ATP6V1D: variants seen among roughly 807,000 people sequenced by gnomAD.
ATP6V1D encodes the protein V-type proton ATPase subunit D.
Under a neutral mutation model 39.4 loss-of-function variants are expected in ATP6V1D, and 20 were observed. The ratio of observed to expected loss-of-function variants is 0.51; its 90% CI spans 0.36 to 0.74. The LOEUF (loss-of-function observed/expected upper bound fraction) is 0.74, where lower values mean the gene tolerates loss of function less well. Among genes scored for constraint, ATP6V1D ranks in the 30% least tolerant of loss-of-function variants. The pLI is 0.00. For synonymous variants in ATP6V1D, 100 were observed against 100.5 expected, an observed-to-expected ratio of 0.99 and a Z score of 0.03; for missense variants, 228 against 291.6, an observed-to-expected ratio of 0.78 and a Z score of 1.59.
rs985969902 is a variant in ATP6V1D at position 67,359,735 on chromosome 14, G to C, written c.-37C>G. On this transcript the variant is annotated 5_prime_UTR_variant, in exon 1 of 9. Transcript: ENST00000216442. ...CTTTTCGGCTCGGGTCCCCGGCCGG[G>C]CAACCGAGGCTGCAATAGCTCCAGA... 1.6e-5 allele frequency: 25 copies of C among 1,612,702 alleles called. No homozygotes were observed. Among genetic ancestry groups the C allele is most frequent in the Non-Finnish European group, 1.9e-5 (23 of 1,179,654 alleles).
chr14:67,338,586 T>G lies in ATP6V1D; in HGVS notation c.*35A>C. 1 of 1,602,826 alleles carries G rather than the reference T, an allele frequency of 6.2e-7. No homozygotes were observed. The highest frequency in any genetic ancestry group is 8.5e-7 in the Non-Finnish European group (1 of 1,175,092). Reference sequence around the variant, plus strand: ...ACACTGTGAATTAAAATGAAGCCAGTGTTAGGGTTTCTCAAAGAACCAGAA... The same window carrying G: ...ACACTGTGAATTAAAATGAAGCCAGGGTTAGGGTTTCTCAAAGAACCAGAA... On this transcript the variant is annotated 3_prime_UTR_variant, in exon 9 of 9. Transcript: ENST00000216442.
At chr14:67,352,826 A>C in intron 2 of ATP6V1D, 97 bp downstream of exon 2, 1 of 774,242 alleles carries the variant, frequency 1.3e-6, no homozygotes, top group Non-Finnish European at 2.0e-6. Context: ...TTTGAAAGAA[A>C]AAAATTAATT....
intron 7 of ATP6V1D, among the ~76,000 whole-genome samples, 193 bp from the exon 8 acceptor site, chr14:67,340,711 CCTCT>C (rs1397100968): frequency 1.3e-5 from 2 of 152,222 alleles, no homozygotes; most frequent in Non-Finnish European, 1.5e-5. Context: ...CCACGGTCTC[CCTCT>C]GATGCCGAGC....
At chr14:67,342,924 G>C (rs917283250) in intron 7 of ATP6V1D, among the ~76,000 whole-genome samples, 1 of 152,058 alleles carries the variant, frequency 6.6e-6, no homozygotes, top group African/African-American at 2.4e-5. Flanking sequence ...TGAAATAAAA[G>C]AGATGGAAAA....
intron 1 of ATP6V1D, among the ~76,000 whole-genome samples, chr14:67,354,242 A>T (rs940505513): frequency 6.6e-6 from 1 of 152,202 alleles, no homozygotes; most frequent in South Asian, 2.1e-4. Flanking sequence ...TTTATAATCA[A>T]TATCTGGAAT....
intron 7 of ATP6V1D, 134 bp downstream of exon 7, chr14:67,343,238 C>T (rs1206840391): frequency 3.3e-6 from 2 of 612,070 alleles, no homozygotes; most frequent in Middle Eastern, 2.7e-4. Flanking sequence ...ACACACTTCT[C>T]TCTTTGCACT....
Position 67,349,199 on chromosome 14 carries a change from G to C in ATP6V1D, c.240-95C>G, listed in dbSNP as rs987400742. On this transcript the variant is annotated intron_variant, in intron 3 of 8. Coordinates refer to ENST00000216442, the MANE Select transcript of ATP6V1D (RefSeq NM_015994.4). ...GTTTTAACATTAAATGAGACCAAGA[G>C]TGAGATGTCACAATTAAGTATGTTT... 6.8e-6 allele frequency: 8 copies of C among 1,172,794 alleles called. No homozygotes were observed. In the African/African-American group the frequency reaches 1.2e-4, roughly 18 times the overall value. The allele number at this position is 1,172,794 out of a possible 1,614,324, so 72.6% of individuals were successfully genotyped here.
chr14:67,352,844 C>T, intron 2 of ATP6V1D, 79 bp downstream of exon 2: 1 of 797,700 alleles, frequency 1.3e-6, no homozygotes. Flanking sequence ...ATTAAAATAA[C>T]AACAACAAAA....
intron 3 of ATP6V1D, 123 bp downstream of exon 3, chr14:67,350,488 C>A (rs2085648649): frequency 1.2e-5 from 9 of 734,282 alleles, no homozygotes; most frequent in Non-Finnish European, 1.9e-5. Context: ...AGAATTCTTT[C>A]TTATTATTAC....
chr14:67,347,199 A>C (rs916793572), intron 5 of ATP6V1D, among the ~76,000 whole-genome samples: 1 of 152,130 alleles, frequency 6.6e-6, no homozygotes, highest in African/African-American at 2.4e-5. Context: ...TCAGCCTCCC[A>C]AAGTGCCAGT....
At position 67,349,044 on chromosome 14, in the gene ATP6V1D, A is replaced by G. The variant is rs74339345; in HGVS notation, c.300T>C (p.Asn100=). The change falls in exon 4 of 9, where the codon AAT becomes AAC. Residue 100 remains asparagine (N), a synonymous_variant. Coordinates refer to ENST00000216442, the MANE Select transcript of ATP6V1D (RefSeq NM_015994.4). ...AAAAGGTTGAAACGTTACCTGCTAC[A>G]TTATCTTTCTTCGCTCGAATCTTCA... ...AQVKIRAKKD[N]VAGVTLPVFE... 1,394 of 1,614,010 alleles carry G rather than the reference A, an allele frequency of 8.6e-4. 23 individuals are homozygous for G. In the East Asian group the frequency reaches 0.029, roughly 34 times the overall value.
intron 5 of ATP6V1D, 26 bp downstream of exon 5, chr14:67,347,383 A>T: frequency 6.4e-7 from 1 of 1,564,416 alleles, no homozygotes; most frequent in South Asian, 1.1e-5. Context: ...AGAGACACAA[A>T]GTAATACAAA....
At chr14:67,340,345 A>G in intron 8 of ATP6V1D, 95 bp downstream of exon 8, 1 of 1,032,338 alleles carries the variant, frequency 9.7e-7, no homozygotes. Flanking sequence ...AGCTGTGCTA[A>G]TTCTAAAGAA....
At chr14:67,341,503 G>T (rs1307601623) in intron 7 of ATP6V1D, among the ~76,000 whole-genome samples, 1 of 151,890 alleles carries the variant, frequency 6.6e-6, no homozygotes, top group Non-Finnish European at 1.5e-5. Flanking sequence ...CCCCGTCCGG[G>T]AGGGAGGTGG....
rs760159563 is a variant in ATP6V1D at position 67,338,715 on chromosome 14, T to C, written c.650A>G (p.Glu217Gly). The C allele has an allele frequency of 6.2e-7, 1 of 1,613,744 alleles. No homozygotes were observed. ...EKKKILKEKS[E>G]KDLEQRRAAG... is the part of the protein sequence containing the mutation. Reference sequence around the variant, plus strand: ...TGCTCTCCTTTGCTCCAAGTCCTTCTCAGATTTTTCCTTTAGAATCTTTTT... The same window carrying C: ...TGCTCTCCTTTGCTCCAAGTCCTTCCCAGATTTTTCCTTTAGAATCTTTTT... Residue 217 changes from glutamate (E) to glycine (G), a missense_variant, in exon 9 of 9, where the codon GAG (glutamate) becomes GGG (glycine). Physicochemically the swap from Glu to Gly is moderately conservative, Grantham distance 98 (BLOSUM62 -2). Around this residue, in one of 3 missense-constraint regions of ATP6V1D, gnomAD observed 114 missense variants for 128.3 expected, o/e 0.89. Coordinates refer to ENST00000216442, the MANE Select transcript of ATP6V1D (RefSeq NM_015994.4).
Position 67,338,581 on chromosome 14 carries a change from G to A in ATP6V1D, c.*40C>T. On this transcript the variant is annotated 3_prime_UTR_variant, in exon 9 of 9. Transcript: ENST00000216442. ...CCTACACACTGTGAATTAAAATGAA[G>A]CCAGTGTTAGGGTTTCTCAAAGAAC... 1 of 1,583,580 alleles carries A rather than the reference G, an allele frequency of 6.3e-7. No individual in the cohort carries two copies. Among genetic ancestry groups the A allele is most frequent in the Non-Finnish European group, 8.6e-7 (1 of 1,166,240 alleles).
At chr14:67,343,323 TG>T in intron 7 of ATP6V1D, 48 bp downstream of exon 7, 1 of 1,408,840 alleles carries the variant, frequency 7.1e-7, no homozygotes, top group Non-Finnish European at 9.9e-7. Flanking sequence ...TCACGACAAG[TG>T]GAGGGTATGG....
chr14:67,345,814 T>C lies in ATP6V1D; in HGVS notation c.410A>G (p.Asn137Ser). Residue 137 changes from asparagine (N) to serine (S), a missense_variant, in exon 6 of 9, where the codon AAT becomes AGT. Coordinates refer to ENST00000216442, the MANE Select transcript of ATP6V1D (RefSeq NM_015994.4). ...CAGTAGTTCCACTGCTTTGGCATAATTCCTCTTTAATTTAGCCAACTGTTC... is the reference window on the plus strand; with the variant it reads ...CAGTAGTTCCACTGCTTTGGCATAACTCCTCTTTAATTTAGCCAACTGTTC... ...GGEQLAKLKR[N>S]YAKAVELLVE... is the part of the protein sequence containing the mutation. 6.2e-7 allele frequency: 1 copy of C among 1,614,154 alleles called. No homozygotes were observed.
At chr14:67,351,106 A>T (rs1415525507) in intron 2 of ATP6V1D, among the ~76,000 whole-genome samples, 1 of 152,234 alleles carries the variant, frequency 6.6e-6, no homozygotes, top group Non-Finnish European at 1.5e-5. Context: ...AAGAGAAGAA[A>T]AACTGGGTCA....
Sources: gnomAD v4.1 joint callset for allele counts (sites outside exome capture counted in the v4.1 genomes callset) on GRCh38, gnomAD v4.1.1 for gene constraint, gnomAD v4.1.1 regional missense constraint, MANE v1.5 for transcripts, NCBI Gene and HGNC (gene_info 2026-07-23, HGNC 2026-07-21) for gene names.